Variants in PAPPA observed in about 807,000 individuals in gnomAD.
PAPPA encodes pappalysin 1.
PAPPA carries 60 observed loss-of-function variants against 164.0 expected under a neutral mutation model. That is an observed-to-expected ratio of 0.37 (90% confidence interval 0.30 to 0.45). The LOEUF (loss-of-function observed/expected upper bound fraction) is 0.45. Among genes scored for constraint, PAPPA ranks in the 20% least tolerant of loss-of-function variants. PAPPA has a pLI of 1.00. For missense variants in PAPPA, 1,782 were observed against 2,087.3 expected, an observed-to-expected ratio of 0.85 and a Z score of 2.85; for synonymous variants, 875 against 814.1, an observed-to-expected ratio of 1.07 and a Z score of -1.27.
intron 7 of PAPPA, among the ~76,000 whole-genome samples, chr9:116,253,939 C>T (rs999304367): frequency 6.6e-6 from 1 of 152,074 alleles, no homozygotes; most frequent in Non-Finnish European, 1.5e-5. Flanking sequence ...ACTTTCCTTC[C>T]AAACTCATTA....
At chr9:116,279,370 C>G (rs1046084530) in intron 9 of PAPPA, among the ~76,000 whole-genome samples, 2 of 152,028 alleles carry the variant, frequency 1.3e-5, no homozygotes, top group East Asian at 1.9e-4. Flanking sequence ...ATTCAAACAC[C>G]CTTGAGTCAG....
At chr9:116,281,504 A>C (rs541639529) in intron 9 of PAPPA, among the ~76,000 whole-genome samples, 1 of 152,128 alleles carries the variant, frequency 6.6e-6, no homozygotes, top group Middle Eastern at 3.4e-3. Context: ...AGCAAATGAC[A>C]CTCTGAGGCT....
At chr9:116,260,222 C>T (rs1320128708) in intron 7 of PAPPA, among the ~76,000 whole-genome samples, 1 of 151,946 alleles carries the variant, frequency 6.6e-6, no homozygotes, top group East Asian at 1.9e-4. Flanking sequence ...CCTTTCACAC[C>T]AAAAACAAAA....
intron 14 of PAPPA, among the ~76,000 whole-genome samples, chr9:116,345,471 T>C (rs890112179): frequency 1.3e-5 from 2 of 151,940 alleles, no homozygotes; most frequent in African/African-American, 4.8e-5. Flanking sequence ...CAGATTTTTT[T>C]GTTTGTTTGT....
At chr9:116,277,966 C>T (rs879403185) in intron 9 of PAPPA, among the ~76,000 whole-genome samples, 8 of 152,226 alleles carry the variant, frequency 5.3e-5, no homozygotes, top group Non-Finnish European at 1.0e-4. Context: ...CCGTGCCTGA[C>T]TGAATATGAT....
chr9:116,231,832 G>T (rs1036375368), intron 6 of PAPPA, among the ~76,000 whole-genome samples: 4 of 148,720 alleles, frequency 2.7e-5, no homozygotes, highest in Non-Finnish European at 4.4e-5. Flanking sequence ...CGTAATCTCG[G>T]CTCACTGCAA....
At chr9:116,219,901 G>A (rs974509851) in intron 4 of PAPPA, 36 bp from the exon 5 acceptor site, 13 of 1,557,580 alleles carry the variant, frequency 8.3e-6, no homozygotes, top group African/African-American at 4.1e-5. Flanking sequence ...CCTGCCTTGC[G>A]GCTTGGTGCT....
At chr9:116,159,021 G>A (rs1843634171) in intron 1 of PAPPA, among the ~76,000 whole-genome samples, 1 of 152,130 alleles carries the variant, frequency 6.6e-6, no homozygotes, top group Non-Finnish European at 1.5e-5. Flanking sequence ...ATCTCTATGT[G>A]TCAACCATAT....
rs769001950 is a variant in PAPPA at position 116,367,717 on chromosome 9, G to A, written c.4568G>A (p.Arg1523His). ...SIILPMNVTV[R>H]DIPHWLNPTR... Reference sequence around the variant, plus strand: ...ATCCTGCCAATGAACGTGACCGTGCGTGACATCCCCCACTGGCTGAACCCC... The same window carrying A: ...ATCCTGCCAATGAACGTGACCGTGCATGACATCCCCCACTGGCTGAACCCC... The change falls in exon 19 of 22, where the codon CGT becomes CAT. Residue 1523 changes from arginine to histidine, a missense_variant. Arg to His is a conservative substitution (Grantham distance 29). Around this residue, in one of 2 missense-constraint regions of PAPPA, gnomAD observed 1,324 missense variants for 1,656.9 expected, o/e 0.80. Transcript: ENST00000328252. 1.2e-5 allele frequency: 19 copies of A among 1,613,872 alleles called. No individual in the cohort carries two copies. In the African/African-American group the frequency reaches 1.3e-4, roughly 11 times the overall value.
intron 5 of PAPPA, among the ~76,000 whole-genome samples, chr9:116,224,915 T>C (rs534993053): frequency 6.6e-6 from 1 of 152,134 alleles, no homozygotes; most frequent in African/African-American, 2.4e-5. Flanking sequence ...TGTGTAGATA[T>C]AGGTATCCAT....
intron 17 of PAPPA, among the ~76,000 whole-genome samples, chr9:116,358,448 T>C (rs1379882364): frequency 2.0e-5 from 3 of 152,242 alleles, no homozygotes; most frequent in African/African-American, 7.2e-5. Flanking sequence ...GTTAGATTGA[T>C]TGCTTCATTT....
At chr9:116,266,021 T>A in intron 8 of PAPPA, 36 bp downstream of exon 8, 13 of 1,427,000 alleles carry the variant, frequency 9.1e-6, no homozygotes, top group Non-Finnish European at 1.3e-5. Context: ...AGAGGAGGGA[T>A]GCTGGTTAGG....
At chr9:116,383,408 GA>G (rs1846758836) in intron 21 of PAPPA, among the ~76,000 whole-genome samples, 1 of 152,174 alleles carries the variant, frequency 6.6e-6, no homozygotes, top group African/African-American at 2.4e-5. Flanking sequence ...GAAAAGCAAA[GA>G]ATCATAGTCA....
At chr9:116,291,091 C>T (rs1372352085) in intron 9 of PAPPA, among the ~76,000 whole-genome samples, 1 of 152,134 alleles carries the variant, frequency 6.6e-6, no homozygotes, top group Non-Finnish European at 1.5e-5. Flanking sequence ...CTGTTGGCTG[C>T]ATTGTCATTT....
intron 1 of PAPPA, among the ~76,000 whole-genome samples, chr9:116,175,511 C>T (rs1386773922): frequency 6.6e-6 from 1 of 152,054 alleles, no homozygotes; most frequent in African/African-American, 2.4e-5. Flanking sequence ...TAATTTTTGT[C>T]AATTAAATAC....
chr9:116,357,929 C>T (rs1846374840), intron 17 of PAPPA, among the ~76,000 whole-genome samples: 1 of 152,180 alleles, frequency 6.6e-6, no homozygotes, highest in Admixed American at 6.5e-5. Context: ...GCTCATTGCA[C>T]AGATCACAGA....
intron 21 of PAPPA, among the ~76,000 whole-genome samples, chr9:116,383,810 A>G (rs1286799649): frequency 6.6e-6 from 1 of 152,184 alleles, no homozygotes; most frequent in Non-Finnish European, 1.5e-5. Flanking sequence ...TTGATTTTTG[A>G]TTGATAGGAC....
At chr9:116,268,422 A>T (rs1403185461) in intron 8 of PAPPA, among the ~76,000 whole-genome samples, 1 of 152,196 alleles carries the variant, frequency 6.6e-6, no homozygotes, top group African/African-American at 2.4e-5. Context: ...TGGAGAAAGT[A>T]CCCCATCATT....
At chr9:116,268,535 A>G (rs1260166308) in intron 8 of PAPPA, among the ~76,000 whole-genome samples, 2 of 149,946 alleles carry the variant, frequency 1.3e-5, no homozygotes, top group East Asian at 3.9e-4. Flanking sequence ...ATTTAGCCCA[A>G]TTTTTTTTTT....
Sources: gnomAD v4.1 joint callset for allele counts (sites outside exome capture counted in the v4.1 genomes callset) on GRCh38, gnomAD v4.1.1 for gene constraint, gnomAD v4.1.1 regional missense constraint, MANE v1.5 for transcripts, NCBI Gene and HGNC (gene_info 2026-07-23, HGNC 2026-07-21) for gene names.